ICA1: variants seen among roughly 807,000 people sequenced by gnomAD.
The protein encoded by ICA1 is 69 kDa islet cell autoantigen.
In ICA1, 40 loss-of-function variants were observed where a neutral mutation model predicts 71.0. The ratio of observed to expected loss-of-function variants is 0.56; its 90% CI spans 0.44 to 0.73. The LOEUF is 0.73. Among genes scored for constraint, ICA1 ranks in the 30% least tolerant of loss-of-function variants. The probability of loss-of-function intolerance (pLI) is 0.00; values close to 1 mark genes in which losing one functional copy is unlikely to be tolerated. For synonymous variants in ICA1, 207 were observed against 209.5 expected (o/e 0.99, Z 0.10); for missense variants, 578 against 576.5 (o/e 1.00, Z -0.03).
intron 2 of ICA1, among the ~76,000 whole-genome samples, chr7:8,233,554 C>T (rs1377477557): frequency 6.6e-6 from 1 of 152,054 alleles, no homozygotes; most frequent in African/African-American, 2.4e-5. Flanking sequence ...CTACCACGCC[C>T]AGCTACTTTT....
intron 12 of ICA1, among the ~76,000 whole-genome samples, chr7:8,131,888 C>T (rs1369750675): frequency 1.3e-5 from 2 of 152,180 alleles, no homozygotes; most frequent in Non-Finnish European, 2.9e-5. Context: ...TTGGGAGAAA[C>T]TCTAGTAAGA....
intron 8 of ICA1, among the ~76,000 whole-genome samples, chr7:8,149,567 A>G (rs2128153823): frequency 6.6e-6 from 1 of 152,380 alleles, no homozygotes; most frequent in East Asian, 1.9e-4. Context: ...TAAAAGCAAC[A>G]GCAACATTCA....
chr7:8,148,824 G>C (rs1256411587), intron 8 of ICA1, among the ~76,000 whole-genome samples: 1 of 152,102 alleles, frequency 6.6e-6, no homozygotes, highest in Admixed American at 6.6e-5. Context: ...AGATATAAAG[G>C]GGCTAAGGGG....
rs1316398235 is a variant in ICA1, at chr7:8,128,143, C to G, written c.1061-1G>C. The stretch of plus-strand genomic sequence containing the variant: ...GTCCCTGCCACTGGTCCCAGGCAAG[C>G]TGATTGAAGTAACAGAGAACAAAAC... On this transcript the variant is annotated splice_acceptor_variant, in intron 12 of 13. Coordinates refer to ENST00000402384, the MANE Select transcript of ICA1 (RefSeq NM_001136020.3). LOFTEE classifies it high-confidence loss of function. 1 of 1,613,592 alleles carries G rather than the reference C, an allele frequency of 6.2e-7. No individual in the cohort carries two copies. Among genetic ancestry groups the G allele is most frequent in the Non-Finnish European group, 8.5e-7 (1 of 1,179,672 alleles).
chr7:8,230,350 C>T (rs1019316894), intron 3 of ICA1, among the ~76,000 whole-genome samples: 6 of 152,214 alleles, frequency 3.9e-5, no homozygotes, highest in African/African-American at 1.4e-4. Context: ...AAGAATAAAA[C>T]TTCTTGGTTT....
At chr7:8,138,958 T>C (rs762072942) in intron 11 of ICA1, 27 bp downstream of exon 11, 24 of 1,604,222 alleles carry the variant, frequency 1.5e-5, no homozygotes, top group East Asian at 4.5e-5. Context: ...TAATTAAAAT[T>C]GAGTAGTTTT....
At chr7:8,200,239 T>A (rs1425542112) in intron 6 of ICA1, among the ~76,000 whole-genome samples, 1 of 141,232 alleles carries the variant, frequency 7.1e-6, no homozygotes, top group African/African-American at 2.6e-5. Flanking sequence ...GTACATCAAC[T>A]GAACATTTAT....
intron 8 of ICA1, among the ~76,000 whole-genome samples, chr7:8,148,775 A>G (rs1797872586): frequency 6.6e-6 from 1 of 152,198 alleles, no homozygotes; most frequent in African/African-American, 2.4e-5. Context: ...ACAATAACAC[A>G]TATGGAACTT....
At chr7:8,171,442 TTTA>T (rs1458794214) in intron 6 of ICA1, among the ~76,000 whole-genome samples, 1 of 151,968 alleles carries the variant, frequency 6.6e-6, no homozygotes, top group Non-Finnish European at 1.5e-5. Flanking sequence ...GTTCATAATA[TTTA>T]TTATTCTTTT....
At chr7:8,238,679 T>C (rs986146960) in intron 1 of ICA1, among the ~76,000 whole-genome samples, 1 of 152,228 alleles carries the variant, frequency 6.6e-6, no homozygotes, top group Non-Finnish European at 1.5e-5. Flanking sequence ...TTAATTTAAA[T>C]CCTTCATAGT....
intron 6 of ICA1, among the ~76,000 whole-genome samples, chr7:8,198,432 G>A (rs185584545): frequency 2.0e-4 from 31 of 152,222 alleles, no homozygotes; most frequent in Non-Finnish European, 3.5e-4. Flanking sequence ...TGAAACCACA[G>A]AGGGCTTTGT....
intron 6 of ICA1, among the ~76,000 whole-genome samples, chr7:8,214,387 T>C (rs1204937801): frequency 6.6e-6 from 1 of 152,234 alleles, no homozygotes; most frequent in Non-Finnish European, 1.5e-5. Flanking sequence ...TCACACGTTG[T>C]AACTTTGCTC....
chr7:8,186,148 C>T (rs548027380), intron 6 of ICA1, among the ~76,000 whole-genome samples: 27 of 152,240 alleles, frequency 1.8e-4, no homozygotes, highest in African/African-American at 6.3e-4. Flanking sequence ...GATCAAGCGA[C>T]AGCAATTCAG....
chr7:8,258,044 G>C (rs1332551408), intron 1 of ICA1, among the ~76,000 whole-genome samples: 6 of 152,100 alleles, frequency 3.9e-5, no homozygotes, highest in Admixed American at 6.5e-5. Context: ...CAACTCAAGG[G>C]CAATCTCCTC....
chr7:8,143,912 G>C lies in ICA1; in HGVS notation c.865C>G (p.Gln289Glu). ...TGCACGGCTGCATCTGTACTTTCCT[G>C]CTGGTTGATTTTCTTCTTCTCTTCT... ...EKEEKKKINQ[Q>E]ESTDAAVQEP... The change falls in exon 9 of 14, where the codon CAG (glutamine) becomes GAG (glutamate). Residue 289 changes from glutamine to glutamate, a missense_variant. Transcript: ENST00000402384. 6.2e-7 allele frequency: 1 copy of C among 1,612,874 alleles called. No homozygotes were observed. The highest frequency in any genetic ancestry group is 8.5e-7 in the Non-Finnish European group (1 of 1,179,080).
intron 13 of ICA1, among the ~76,000 whole-genome samples, chr7:8,118,909 G>A (rs370902754): frequency 6.6e-6 from 1 of 152,186 alleles, no homozygotes; most frequent in South Asian, 2.1e-4. Flanking sequence ...AAGCTCACGA[G>A]CCAATGCTGA....
intron 9 of ICA1, chr7:8,142,073 T>C (rs1239980510): frequency 1.5e-6 from 2 of 1,310,462 alleles, no homozygotes; most frequent in Non-Finnish European, 1.0e-6. Flanking sequence ...GGCAGTTAGA[T>C]ATAAATAAGA....
In ICA1 at chr7:8,255,779, C is replaced by CTTTTT. The variant is rs573673718; in HGVS notation, c.-80+6310_-80+6314dup. ...TAAGTTGAAAACCTCACTTCTTTCT[C>CTTTTT]TTTTTTTTTTTTTTTGGCAGGGTCT... On this transcript the variant is annotated intron_variant, in intron 1 of 13. Transcript: ENST00000402384. Among the ~76,000 whole-genome samples the CTTTTT allele has an allele frequency of 4.1e-3, 549 of 132,892 alleles. 12 individuals are homozygous for CTTTTT. The highest frequency in any genetic ancestry group is 0.014 in the African/African-American group (472 of 32,876). The allele number at this position is 132,892 out of a possible 152,430, so 87.2% of individuals were successfully genotyped here.
chr7:8,251,659 C>T (rs1303199646), intron 1 of ICA1, among the ~76,000 whole-genome samples: 1 of 151,856 alleles, frequency 6.6e-6, no homozygotes. Flanking sequence ...AAACATTCAT[C>T]AGCCAGTTAA....
Sources: allele counts gnomAD v4.1 joint callset (sites outside exome capture counted in the v4.1 genomes callset), GRCh38; gene constraint gnomAD v4.1.1; transcripts MANE v1.5; gene names NCBI Gene and HGNC (gene_info 2026-07-23, HGNC 2026-07-21).